The following PARG variants were observed in gnomAD, a reference collection of about 807,000 sequenced individuals.
The protein encoded by PARG is poly(ADP-ribose) glycohydrolase.
Under a neutral mutation model 113.0 loss-of-function variants are expected in PARG, and 35 were observed. The observed-to-expected ratio is 0.31, with a 90% CI of 0.24 to 0.41. The LOEUF (loss-of-function observed/expected upper bound fraction) is 0.41, where lower values mean the gene tolerates loss of function less well. Among genes scored for constraint, PARG ranks in the 10% least tolerant of loss-of-function variants. PARG has a pLI of 1.00. For missense variants in PARG, 797 were observed against 1,169.4 expected (o/e 0.68, Z 4.64); for synonymous variants, 330 against 409.9 (o/e 0.81, Z 2.36).
chr10:49,831,895 G>A (rs782740118), intron 16 of PARG, among the ~76,000 whole-genome samples: 9 of 152,246 alleles, frequency 5.9e-5, no homozygotes, highest in Middle Eastern at 6.8e-3. Flanking sequence ...AGAAATGTGC[G>A]TGGCCTGGGG....
At chr10:49,905,094 G>A (rs1408238152) in intron 7 of PARG, among the ~76,000 whole-genome samples, 1 of 152,280 alleles carries the variant, frequency 6.6e-6, no homozygotes, top group Non-Finnish European at 1.5e-5. Context: ...TGCCCTTGAG[G>A]AATGGAATAA....
intron 9 of PARG, 62 bp downstream of exon 9, chr10:49,879,611 A>G (rs1277254267): frequency 8.3e-7 from 1 of 1,211,984 alleles, no homozygotes; most frequent in Admixed American, 2.4e-5. Flanking sequence ...TTCAAAAAAT[A>G]TTATTAGTTC....
chr10:49,868,475 T>C (rs1225115693), intron 10 of PARG, among the ~76,000 whole-genome samples: 11 of 152,206 alleles, frequency 7.2e-5, no homozygotes, highest in African/African-American at 2.7e-4. Context: ...TCCTGATAAT[T>C]GATTTCATTC....
intron 7 of PARG, among the ~76,000 whole-genome samples, chr10:49,893,231 C>T (rs1199072173): frequency 2.0e-5 from 3 of 152,188 alleles, no homozygotes; most frequent in East Asian, 1.9e-4. Flanking sequence ...TGCTCCATAT[C>T]GCTACCTACA....
intron 7 of PARG, among the ~76,000 whole-genome samples, chr10:49,888,493 A>G (rs1321411244): frequency 6.6e-6 from 1 of 152,114 alleles, no homozygotes; most frequent in African/African-American, 2.4e-5. Context: ...TCTTAATTAG[A>G]TATGGAATTC....
chr10:49,839,196 G>T (rs181648073), intron 15 of PARG, among the ~76,000 whole-genome samples: 2 of 152,196 alleles, frequency 1.3e-5, no homozygotes, highest in African/African-American at 4.8e-5. Context: ...AATTAGCCTG[G>T]CGTGGTGGTG....
rs1335641585 is a variant in PARG, at chr10:49,906,838, C to T, written c.1737+9079G>A. 2.6e-5 allele frequency among the ~76,000 whole-genome samples: 4 copies of T among 152,160 alleles called. No homozygotes were observed. In the East Asian group the frequency reaches 5.8e-4, roughly 22 times the overall value. ...AGAGGTGAGTCTGGGATGAGACAGGCCTATGCCTGCAACAGATAGAAGTGT... is the reference window on the plus strand; with the variant it reads ...AGAGGTGAGTCTGGGATGAGACAGGTCTATGCCTGCAACAGATAGAAGTGT... On this transcript the variant is annotated intron_variant, in intron 7 of 17. Transcript: ENST00000616448.
chr10:49,869,776 A>G (rs1332733204), intron 9 of PARG, among the ~76,000 whole-genome samples: 2 of 151,518 alleles, frequency 1.3e-5, no homozygotes, highest in African/African-American at 4.9e-5. Flanking sequence ...CAAATCAGAC[A>G]TCATTTACTA....
In PARG at chr10:49,890,437, G is replaced by C. The variant is rs560006159; in HGVS notation, c.1738-5142C>G. ...ATAGATCTGTTCATTCATTCGATTG[G>C]CTGATAAACAAATACCTGAGGAACT... is the stretch of plus-strand genomic sequence containing the variant. On this transcript the variant is annotated intron_variant, in intron 7 of 17. Coordinates refer to ENST00000616448, the MANE Select transcript of PARG (RefSeq NM_003631.5). Among the ~76,000 whole-genome samples, 5 of 152,182 alleles carry C rather than the reference G, an allele frequency of 3.3e-5. No homozygotes were observed. The East Asian group carries it at 9.6e-4, about 29-fold the overall frequency.
intron 6 of PARG, among the ~76,000 whole-genome samples, chr10:49,916,674 T>G (rs1564655096): frequency 6.6e-6 from 1 of 152,142 alleles, no homozygotes; most frequent in Non-Finnish European, 1.5e-5. Context: ...GTTTCCAGAG[T>G]CAGGTATGCA....
chr10:49,893,139 GT>G (rs11321985), intron 7 of PARG, among the ~76,000 whole-genome samples: 151,869 of 151,876 alleles, frequency 1, 75,931 homozygotes, highest in Non-Finnish European at 1. Flanking sequence ...TATATGTTCA[GT>G]TTTTCTAAAA....
chr10:49,874,491 C>G (rs1357516511), intron 9 of PARG, among the ~76,000 whole-genome samples: 3 of 152,104 alleles, frequency 2.0e-5, no homozygotes, highest in Non-Finnish European at 2.9e-5. Context: ...AACCTGCCAT[C>G]GCCAAGAAGC....
chr10:49,933,415 G>T lies in PARG; in HGVS notation c.1033C>A (p.Gln345Lys). 6.2e-7 allele frequency: 1 copy of T among 1,613,396 alleles called. No individual in the cohort carries two copies. Among genetic ancestry groups the T allele is most frequent in the Non-Finnish European group, 8.5e-7 (1 of 1,179,440 alleles). Residue 345 changes from glutamine to lysine, a missense_variant, in exon 3 of 18, where the codon CAA becomes AAA. Physicochemically the swap from Gln to Lys is moderately conservative, Grantham distance 53. Around this residue, in one of 5 missense-constraint regions of PARG, gnomAD observed 252 missense variants for 437.4 expected, o/e 0.58. Transcript: ENST00000616448. Reference sequence around the variant, plus strand: ...AATTCAATGTCAGCGTCTCTTGCTTGGAACCTTGAAGGTTTATTTGCTGTT... The same window carrying T: ...AATTCAATGTCAGCGTCTCTTGCTTTGAACCTTGAAGGTTTATTTGCTGTT... ...SQTANKPSRF[Q>K]ARDADIEFRK...
intron 16 of PARG, among the ~76,000 whole-genome samples, chr10:49,831,256 T>C (rs1447590463): frequency 6.6e-6 from 1 of 152,152 alleles, no homozygotes; most frequent in Non-Finnish European, 1.5e-5. Context: ...GTCATTTTTA[T>C]AAAAATATTA....
chr10:49,831,820 T>C (rs1373132730), intron 16 of PARG, among the ~76,000 whole-genome samples: 2 of 152,158 alleles, frequency 1.3e-5, no homozygotes, highest in African/African-American at 2.4e-5. Context: ...CTGTGAGTCA[T>C]TCTAGTAAAT....
chr10:49,837,813 C>T (rs1363603286), intron 15 of PARG, among the ~76,000 whole-genome samples: 2 of 152,190 alleles, frequency 1.3e-5, no homozygotes, highest in African/African-American at 4.8e-5. Flanking sequence ...GTGCCAGGCC[C>T]TGAACTAGGT....
intron 13 of PARG, 113 bp downstream of exon 13, chr10:49,857,193 T>C (rs1846037080): frequency 1.7e-6 from 1 of 585,612 alleles, no homozygotes; most frequent in Non-Finnish European, 3.1e-6. Flanking sequence ...GATAAAAATA[T>C]TGGGACTGAT....
chr10:49,848,346 TCAAAA>T (rs1233454416), intron 13 of PARG, among the ~76,000 whole-genome samples: 2 of 148,004 alleles, frequency 1.4e-5, no homozygotes, highest in African/African-American at 5.0e-5. Flanking sequence ...AGACTCTGTC[TCAAAA>T]CAAACAGAAA....
intron 7 of PARG, among the ~76,000 whole-genome samples, chr10:49,906,457 T>C (rs1163435524): frequency 6.6e-6 from 1 of 152,164 alleles, no homozygotes; most frequent in Non-Finnish European, 1.5e-5. Flanking sequence ...CATTTTCAAT[T>C]GACCTAATGT....
Sources: gnomAD v4.1 joint callset for allele counts (sites outside exome capture counted in the v4.1 genomes callset) on GRCh38, gnomAD v4.1.1 for gene constraint, gnomAD v4.1.1 regional missense constraint, MANE v1.5 for transcripts, NCBI Gene and HGNC (gene_info 2026-07-23, HGNC 2026-07-21) for gene names.